IL1RAPL1: variants seen among roughly 807,000 people sequenced by gnomAD.
IL1RAPL1 encodes interleukin 1 receptor accessory protein like 1, also known as interleukin-1 receptor accessory protein-like 1.
In IL1RAPL1, 3 loss-of-function variants were observed where a neutral mutation model predicts 48.4. That is an observed-to-expected ratio of 0.06 (90% CI 0.03 to 0.16). The LOEUF is 0.16. Among genes scored for constraint, IL1RAPL1 ranks in the 10% least tolerant of loss-of-function variants. The pLI is 1.00. For synonymous variants in IL1RAPL1, 185 were observed against 187.7 expected, an observed-to-expected ratio of 0.99 and a Z score of 0.12; for missense variants, 349 against 530.6, an observed-to-expected ratio of 0.66 and a Z score of 3.36.
chrX:28,865,655 G>A (rs1355571285), intron 2 of IL1RAPL1, among the ~76,000 whole-genome samples: 1 of 111,636 alleles, frequency 9.0e-6, no homozygotes, highest in Non-Finnish European at 1.9e-5. Context: ...AGTGAGTGTA[G>A]ACAGAGAAGT....
intron 8 of IL1RAPL1, among the ~76,000 whole-genome samples, chrX:29,939,808 T>C (rs1238669822): frequency 9.0e-6 from 1 of 111,668 alleles, no homozygotes; most frequent in Non-Finnish European, 1.9e-5. Flanking sequence ...GTGTTGTTTA[T>C]TAAACTGTAG....
intron 1 of IL1RAPL1, among the ~76,000 whole-genome samples, chrX:28,592,575 A>T (rs1416549794): frequency 8.9e-6 from 1 of 112,014 alleles, no homozygotes; most frequent in South Asian, 3.7e-4. Context: ...AATGATATTT[A>T]CATATATGCA....
Position 29,097,734 on chromosome X carries a change from C to T in IL1RAPL1, c.83-185204C>T, listed in dbSNP as rs1928246311. Among the ~76,000 whole-genome samples, 3 of 111,791 alleles carry T rather than the reference C, an allele frequency of 2.7e-5. No homozygotes were observed. In the South Asian group the frequency reaches 1.1e-3, roughly 42 times the overall value. On this transcript the variant is annotated intron_variant, in intron 2 of 10. Transcript: ENST00000378993. ...ACTTGATTCAGTTAAGTTCTTACCC[C>T]ACAATGCTCACAGGCTTTACTGATT...
At chrX:29,394,259 A>G (rs942836676) in intron 3 of IL1RAPL1, among the ~76,000 whole-genome samples, 7 of 111,251 alleles carry the variant, frequency 6.3e-5, no homozygotes, top group African/African-American at 2.0e-4. Flanking sequence ...GCCTCATTGC[A>G]TTTATTCTTC....
intron 2 of IL1RAPL1, among the ~76,000 whole-genome samples, chrX:28,909,120 C>T (rs528561060): frequency 1.7e-4 from 19 of 111,269 alleles, no homozygotes; most frequent in African/African-American, 5.2e-4. Flanking sequence ...CAAGTTCAGT[C>T]TTGTCTTCTC....
intron 5 of IL1RAPL1, among the ~76,000 whole-genome samples, chrX:29,494,180 C>T (rs976295842): frequency 4.5e-5 from 5 of 111,825 alleles, no homozygotes; most frequent in African/African-American, 6.5e-5. Context: ...GGATTACAGG[C>T]GTAAGCCACC....
intron 6 of IL1RAPL1, among the ~76,000 whole-genome samples, chrX:29,769,076 G>C (rs1928983837): frequency 9.0e-6 from 1 of 111,144 alleles, no homozygotes; most frequent in Admixed American, 9.6e-5. Flanking sequence ...CCACTAATCT[G>C]TTTTCTGTCT....
chrX:29,913,036 GCTCT>G (rs763053314), intron 6 of IL1RAPL1, among the ~76,000 whole-genome samples: 10 of 111,067 alleles, frequency 9.0e-5, no homozygotes, highest in Non-Finnish European at 1.5e-4. Flanking sequence ...CAACGTCACA[GCTCT>G]CTGACACAGG....
At chrX:28,803,965 A>G (rs374927214) in intron 2 of IL1RAPL1, among the ~76,000 whole-genome samples, 7 of 112,554 alleles carry the variant, frequency 6.2e-5, no homozygotes, top group African/African-American at 2.3e-4. Context: ...CCAAGGCAAT[A>G]TGATTTATCT....
chrX:28,599,083 A>G (rs1436902882), intron 1 of IL1RAPL1, among the ~76,000 whole-genome samples: 1 of 109,675 alleles, frequency 9.1e-6, no homozygotes, highest in African/African-American at 3.3e-5. Flanking sequence ...TCTACTAAAA[A>G]TACAAAAATT....
intron 1 of IL1RAPL1, among the ~76,000 whole-genome samples, chrX:28,638,982 G>C (rs946864098): frequency 8.9e-6 from 1 of 111,797 alleles, no homozygotes; most frequent in Admixed American, 9.5e-5. Context: ...ACATAGGCTT[G>C]AATATATTCT....
chrX:28,827,403 G>A (rs954044031), intron 2 of IL1RAPL1, among the ~76,000 whole-genome samples: 10 of 110,430 alleles, frequency 9.1e-5, no homozygotes, highest in Admixed American at 9.6e-5. Flanking sequence ...ATTACAGATG[G>A]GACTAAAAAT....
intron 2 of IL1RAPL1, among the ~76,000 whole-genome samples, chrX:29,238,459 G>C (rs1204414017): frequency 9.0e-6 from 1 of 111,367 alleles, no homozygotes; most frequent in Admixed American, 9.6e-5. Context: ...CCATATACCT[G>C]TTACCTAGAG....
At chrX:28,941,774 A>C (rs1232081099) in intron 2 of IL1RAPL1, among the ~76,000 whole-genome samples, 1 of 110,892 alleles carries the variant, frequency 9.0e-6, no homozygotes, top group Non-Finnish European at 1.9e-5. Flanking sequence ...TTTATCTCTA[A>C]TAGATTATGA....
At chrX:28,627,197 G>A (rs1433717590) in intron 1 of IL1RAPL1, among the ~76,000 whole-genome samples, 1 of 112,097 alleles carries the variant, frequency 8.9e-6, no homozygotes, top group Non-Finnish European at 1.9e-5. Flanking sequence ...GGTAAGGAAA[G>A]TGAGGCAAAT....
intron 2 of IL1RAPL1, among the ~76,000 whole-genome samples, chrX:29,222,325 C>T (rs900982355): frequency 1.8e-5 from 2 of 111,840 alleles, no homozygotes; most frequent in Non-Finnish European, 3.8e-5. Context: ...TTGGCAATTT[C>T]ATTGATAAAA....
chrX:28,729,615 A>G lies in IL1RAPL1; in HGVS notation c.-24-59705A>G, dbSNP rs1037070740. The stretch of plus-strand genomic sequence containing the variant: ...CTAGCATTCTAGATATAGTTGCCCA[A>G]TTAAATATGTTATAGAAAATTATCT... On this transcript the variant is annotated intron_variant, in intron 1 of 10. Coordinates refer to ENST00000378993, the MANE Select transcript of IL1RAPL1 (RefSeq NM_014271.4). Among the ~76,000 whole-genome samples the G allele has an allele frequency of 2.7e-5, 3 of 110,970 alleles. No individual in the cohort carries two copies. In the Admixed American group the frequency reaches 2.9e-4, roughly 11 times the overall value.
rs189586134 is a variant in IL1RAPL1 at position 29,729,823 on chromosome X, C to T, written c.778+61319C>T. Reference sequence around the variant, plus strand: ...CAGATATGCTCCCCAGACATGTCACCTATGACCTGTCTCTAGATCTGCCCT... The same window carrying T: ...CAGATATGCTCCCCAGACATGTCACTTATGACCTGTCTCTAGATCTGCCCT... On this transcript the variant is annotated intron_variant, in intron 6 of 10. Coordinates refer to ENST00000378993, the MANE Select transcript of IL1RAPL1 (RefSeq NM_014271.4). 5.5e-3 allele frequency among the ~76,000 whole-genome samples: 618 copies of T among 111,754 alleles called. 2 individuals are homozygous for T. The highest frequency in any genetic ancestry group is 8.8e-3 in the Non-Finnish European group (469 of 53,174).
At chrX:29,754,839 TA>T (rs149103854) in intron 6 of IL1RAPL1, among the ~76,000 whole-genome samples, 8,531 of 112,699 alleles carry the variant, frequency 0.076, 292 homozygotes, top group Middle Eastern at 0.25. Context: ...AGCACACATT[TA>T]ATGGCTTAAA....
Sources: allele counts gnomAD v4.1 joint callset (sites outside exome capture counted in the v4.1 genomes callset), GRCh38; gene constraint gnomAD v4.1.1; transcripts MANE v1.5; gene names NCBI Gene and HGNC (gene_info 2026-07-23, HGNC 2026-07-21).